Variants in PPP4R1 observed in about 807,000 individuals in gnomAD.
The protein encoded by PPP4R1 is serine/threonine-protein phosphatase 4 regulatory subunit 1.
Under a neutral mutation model 111.2 loss-of-function variants are expected in PPP4R1, and 42 were observed. That is an observed-to-expected ratio of 0.38 (90% confidence interval 0.29 to 0.49). PPP4R1 has a LOEUF of 0.49. Among genes scored for constraint, PPP4R1 ranks in the 20% least tolerant of loss-of-function variants. The probability of loss-of-function intolerance (pLI) is 0.97; values close to 1 mark genes in which losing one functional copy is unlikely to be tolerated. For synonymous variants in PPP4R1, 409 were observed against 405.5 expected, an observed-to-expected ratio of 1.01 and a Z score of -0.10; for missense variants, 1,012 against 1,161.6, an observed-to-expected ratio of 0.87 and a Z score of 1.87.
intron 8 of PPP4R1, among the ~76,000 whole-genome samples, chr18:9,584,208 C>T (rs1299888378): frequency 6.6e-6 from 1 of 152,082 alleles, no homozygotes; most frequent in African/African-American, 2.4e-5. Context: ...ATGTCATCAA[C>T]ATTCTTGAGG....
chr18:9,599,179 T>C (rs1228676063), intron 2 of PPP4R1, among the ~76,000 whole-genome samples: 1 of 152,134 alleles, frequency 6.6e-6, no homozygotes, highest in Non-Finnish European at 1.5e-5. Context: ...TATGTAGAAG[T>C]ATAATGTATG....
At chr18:9,578,393 C>A (rs1262743035) in intron 9 of PPP4R1, among the ~76,000 whole-genome samples, 1 of 152,138 alleles carries the variant, frequency 6.6e-6, no homozygotes, top group African/African-American at 2.4e-5. Context: ...TGTGCCACCA[C>A]ATCCAGTTAA....
rs1398710078 is a variant in PPP4R1 at position 9,550,260 on chromosome 18, T to C, written c.2412+18A>G. The C allele has an allele frequency of 1.2e-6, 2 of 1,613,770 alleles. No homozygotes were observed. The highest frequency in any genetic ancestry group is 1.7e-6 in the Non-Finnish European group (2 of 1,179,958). The stretch of plus-strand genomic sequence containing the variant: ...CTTAGAGTTTGCTGATCTAAAATTT[T>C]AAAAGTTCAATACATACCAACTTGT... On this transcript the variant is annotated intron_variant, in intron 17 of 19. Coordinates refer to ENST00000400556, the MANE Select transcript of PPP4R1 (RefSeq NM_001042388.3).
At chr18:9,562,375 T>C (rs1568092483) in intron 12 of PPP4R1, among the ~76,000 whole-genome samples, 2 of 152,202 alleles carry the variant, frequency 1.3e-5, no homozygotes, top group Non-Finnish European at 2.9e-5. Flanking sequence ...GAAATAGTAC[T>C]GAGAGGATTC....
chr18:9,564,039 T>A (rs1425675851), intron 11 of PPP4R1, among the ~76,000 whole-genome samples: 1 of 152,234 alleles, frequency 6.6e-6, no homozygotes, highest in Non-Finnish European at 1.5e-5. Context: ...TATTTTTCTC[T>A]AATTCTTTTT....
intron 4 of PPP4R1, among the ~76,000 whole-genome samples, chr18:9,591,896 T>G (rs185036766): frequency 1.3e-3 from 205 of 152,152 alleles, no homozygotes; most frequent in African/African-American, 4.8e-3. Context: ...GTGAAACCCC[T>G]TCTCTACTAA....
In PPP4R1 at chr18:9,555,938, C is replaced by T. The variant is rs189734316; in HGVS notation, c.2190+1283G>A. On this transcript the variant is annotated intron_variant, in intron 15 of 19. Coordinates refer to ENST00000400556, the MANE Select transcript of PPP4R1 (RefSeq NM_001042388.3). ...GATCACAAGATCAGGAGATCAAGAC[C>T]ATCCTGGCCAACACGGTGAAACCCC... Among the ~76,000 whole-genome samples, 17 of 151,584 alleles carry T rather than the reference C, an allele frequency of 1.1e-4. No individual in the cohort carries two copies. In the East Asian group the frequency reaches 2.8e-3, roughly 25 times the overall value.
rs2067635629 is a variant in PPP4R1, at chr18:9,614,017, G to A, written c.52+209C>T. The stretch of plus-strand genomic sequence containing the variant: ...GGAAAGCGAACTTGGGCGTTACTCC[G>A]GGCGTCTCCCTCCCCCAGCGGAACC... On this transcript the variant is annotated intron_variant, in intron 2 of 19. Coordinates refer to ENST00000400556, the MANE Select transcript of PPP4R1 (RefSeq NM_001042388.3). This position sits in a 1 kb window ranked among gnomAD's most constrained non-coding sequence, Gnocchi z 4.1. 7 of 315,544 alleles carry A rather than the reference G, an allele frequency of 2.2e-5. No homozygotes were observed. The South Asian group carries it at 7.2e-4, about 33-fold the overall frequency. The allele number at this position is 315,544 out of a possible 1,614,324, so 19.5% of individuals were successfully genotyped here. A position where few individuals can be genotyped will look rare whatever the true frequency, so the allele number is the denominator to read the frequency against.
At chr18:9,567,108 C>T (rs1408221143) in intron 11 of PPP4R1, among the ~76,000 whole-genome samples, 1 of 152,112 alleles carries the variant, frequency 6.6e-6, no homozygotes, top group Non-Finnish European at 1.5e-5. Context: ...AAACTGAAAA[C>T]CTTCTGGAAA....
intron 2 of PPP4R1, among the ~76,000 whole-genome samples, chr18:9,600,805 C>G (rs926337429): frequency 6.6e-6 from 1 of 152,024 alleles, no homozygotes; most frequent in Non-Finnish European, 1.5e-5. Flanking sequence ...CACTTGAGTA[C>G]GGGAGGCAGA....
intron 11 of PPP4R1, chr18:9,564,013 A>G (rs1268398049): frequency 6.5e-6 from 1 of 152,748 alleles, no homozygotes; most frequent in Admixed American, 6.5e-5. Context: ...TAAACATCTC[A>G]TATCTTATTA....
intron 6 of PPP4R1, among the ~76,000 whole-genome samples, chr18:9,586,103 A>T (rs2067111881): frequency 6.6e-6 from 1 of 152,034 alleles, no homozygotes; most frequent in South Asian, 2.1e-4. Context: ...GCATAACTAA[A>T]TTTATTTAAA....
intron 11 of PPP4R1, among the ~76,000 whole-genome samples, chr18:9,568,718 T>C (rs2066810971): frequency 6.6e-6 from 1 of 152,190 alleles, no homozygotes; most frequent in Non-Finnish European, 1.5e-5. Context: ...TGGTAATCTT[T>C]TGTTCATAAA....
intron 9 of PPP4R1, among the ~76,000 whole-genome samples, chr18:9,577,674 C>A (rs2066959758): frequency 1.3e-5 from 2 of 151,352 alleles, no homozygotes; most frequent in East Asian, 1.9e-4. Context: ...AAAAAAAAAA[C>A]CCCAAACAAA....
At chr18:9,605,507 G>T (rs1231815494) in intron 2 of PPP4R1, among the ~76,000 whole-genome samples, 4 of 136,052 alleles carry the variant, frequency 2.9e-5, no homozygotes, top group Admixed American at 8.5e-5. Context: ...ACTGCTATCA[G>T]GTGCTCCTTA....
At chr18:9,591,937 C>T (rs759109114) in intron 4 of PPP4R1, among the ~76,000 whole-genome samples, 247 of 152,110 alleles carry the variant, frequency 1.6e-3, no homozygotes, top group Non-Finnish European at 2.2e-3. Flanking sequence ...TGTAGTGGCA[C>T]ATGCCTGTAA....
Position 9,547,934 on chromosome 18 carries a change from G to C in PPP4R1, c.2708C>G (p.Ala903Gly). Reference protein sequence around the residue: ...LLEKDYFLASASCHQEAVEQT... With the variant: ...LLEKDYFLASGSCHQEAVEQT... Reference sequence around the variant, plus strand: ...CTCCACAGCCTCCTGGTGGCAGCTGGCAGAGGCCAAGAAATAGTCTGGAAA... The same window carrying C: ...CTCCACAGCCTCCTGGTGGCAGCTGCCAGAGGCCAAGAAATAGTCTGGAAA... The change falls in exon 20 of 20, where the codon GCC (alanine) becomes GGC (glycine). Residue 903 changes from alanine (A) to glycine (G), a missense_variant. This residue lies in a region of PPP4R1 where 305 missense variants were observed against 419.5 expected (regional missense o/e 0.73). Coordinates refer to ENST00000400556, the MANE Select transcript of PPP4R1 (RefSeq NM_001042388.3). 1.9e-6 allele frequency: 3 copies of C among 1,613,968 alleles called. No homozygotes were observed. Among genetic ancestry groups the C allele is most frequent in the Non-Finnish European group, 2.5e-6 (3 of 1,180,030 alleles).
chr18:9,595,102 G>A lies in PPP4R1; in HGVS notation c.104C>T (p.Ala35Val), dbSNP rs1225113944. The A allele has an allele frequency of 6.2e-7, 1 of 1,613,694 alleles. No homozygotes were observed. Among genetic ancestry groups the A allele is most frequent in the African/African-American group, 1.3e-5 (1 of 74,878 alleles). ...TTCATCTTGTGAGACAAAGTCCAGG[G>A]CTGAAGGTATAATAATCACATCAGA... ...SESDVIIIPS[A>V]LDFVSQDEML... The change falls in exon 3 of 20, where the codon GCC becomes GTC. Residue 35 changes from alanine (A) to valine (V), a missense_variant. Coordinates refer to ENST00000400556, the MANE Select transcript of PPP4R1 (RefSeq NM_001042388.3).
At chr18:9,553,272 G>GT in intron 16 of PPP4R1, 50 bp downstream of exon 16, 14 of 1,357,262 alleles carry the variant, frequency 1.0e-5, no homozygotes, top group Non-Finnish European at 1.4e-5. Flanking sequence ...TAAAAATGAA[G>GT]TAAATATATA....
Sources: allele counts gnomAD v4.1 joint callset (sites outside exome capture counted in the v4.1 genomes callset), GRCh38; gene constraint gnomAD v4.1.1; regional missense constraint gnomAD v4.1.1; non-coding constraint Gnocchi (gnomAD v3.1); transcripts MANE v1.5; gene names NCBI Gene and HGNC (gene_info 2026-07-23, HGNC 2026-07-21).